PRKN: variants seen among roughly 807,000 people sequenced by gnomAD.
PRKN encodes E3 ubiquitin-protein ligase parkin.
PRKN carries 56 observed loss-of-function variants against 59.5 expected under a neutral mutation model. That is an observed-to-expected ratio of 0.94 (90% confidence interval 0.76 to 1.18). The LOEUF is 1.18. Ranked by LOEUF, PRKN falls within the 50% of genes most tolerant of loss-of-function variation. PRKN has a pLI of 0.00. For missense variants in PRKN, 657 were observed against 596.4 expected (o/e 1.10, Z -1.06); for synonymous variants, 250 against 222.1 (o/e 1.13, Z -1.12).
chr6:162,094,919 A>G (rs980373198), intron 4 of PRKN, among the ~76,000 whole-genome samples: 23 of 152,198 alleles, frequency 1.5e-4, no homozygotes, highest in Admixed American at 2.6e-4. Flanking sequence ...AACTATGAAT[A>G]TGTGTGTGTA....
At chr6:162,619,288 A>T (rs939091308) in intron 1 of PRKN, among the ~76,000 whole-genome samples, 11 of 149,276 alleles carry the variant, frequency 7.4e-5, no homozygotes, top group Non-Finnish European at 1.2e-4. Context: ...GACTACAGGC[A>T]TGCACCACCA....
chr6:162,267,511 G>A (rs1780194155), intron 2 of PRKN, among the ~76,000 whole-genome samples: 1 of 152,146 alleles, frequency 6.6e-6, no homozygotes, highest in African/African-American at 2.4e-5. Context: ...CCTTAGAGCA[G>A]AAACAATGTC....
rs777705286 is a variant in PRKN, at chr6:161,582,692, T to G, written c.872-13276A>C. Among the ~76,000 whole-genome samples, 9 of 152,020 alleles carry G rather than the reference T, an allele frequency of 5.9e-5. No homozygotes were observed. The highest frequency in any genetic ancestry group is 8.8e-5 in the Non-Finnish European group (6 of 68,010). On this transcript the variant is annotated intron_variant, in intron 7 of 11. Coordinates refer to ENST00000366898, the MANE Select transcript of PRKN (RefSeq NM_004562.3). The surrounding 1 kb of genome is among the most constrained non-coding windows in gnomAD (Gnocchi z 4.4). ...TCTGCCCGCCTCGGCCTCCCAAAGT[T>G]CTGGGATTACAGGTGTGAGACACTG... is the stretch of plus-strand genomic sequence containing the variant.
At chr6:162,548,697 T>G (rs1307330440) in intron 1 of PRKN, among the ~76,000 whole-genome samples, 1 of 152,190 alleles carries the variant, frequency 6.6e-6, no homozygotes. Flanking sequence ...CCATTTGAGC[T>G]TGAGCTGCAA....
chr6:162,125,648 C>T (rs767742855), intron 4 of PRKN, among the ~76,000 whole-genome samples: 2 of 152,202 alleles, frequency 1.3e-5, no homozygotes, highest in Non-Finnish European at 2.9e-5. Context: ...AACAAATAGT[C>T]ACTGTGCAAC....
intron 1 of PRKN, among the ~76,000 whole-genome samples, chr6:162,556,745 CAA>C (rs58924466): frequency 8.8e-5 from 8 of 91,060 alleles, no homozygotes; most frequent in Admixed American, 1.4e-4. Flanking sequence ...GACTCCATCT[CAA>C]AAAAAAAAAA....
chr6:161,898,141 A>C (rs531426895), intron 6 of PRKN, among the ~76,000 whole-genome samples: 27 of 152,110 alleles, frequency 1.8e-4, no homozygotes, highest in Non-Finnish European at 3.4e-4. Context: ...TGATACTTGT[A>C]ATTGATACTT....
rs552031722 is a variant in PRKN, at chr6:162,520,455, T to C, written c.8-76982A>G. Among the ~76,000 whole-genome samples, 25 of 152,318 alleles carry C rather than the reference T, an allele frequency of 1.6e-4. No individual in the cohort carries two copies. The South Asian group carries it at 5.2e-3, about 32-fold the overall frequency. On this transcript the variant is annotated intron_variant, in intron 1 of 11. Coordinates refer to ENST00000366898, the MANE Select transcript of PRKN (RefSeq NM_004562.3). ...CAGATCTCCCCTCCCAACTCCTCTC[T>C]GTCCACCAGTTCCCTCTTGCCCAAG... is the stretch of plus-strand genomic sequence containing the variant.
intron 2 of PRKN, among the ~76,000 whole-genome samples, chr6:162,414,726 A>AAAAAAAAAAAAAAAAAAAAAAAAAAGT (rs34838356): frequency 3.3e-5 from 3 of 91,862 alleles, no homozygotes; most frequent in Admixed American, 1.2e-4. Context: ...AAAAAAAAAA[A>AAAAAAAAAAAAAAAAAAAAAAAAAAGT]AGTGAATCTT....
At chr6:162,510,142 A>G (rs1263367131) in intron 1 of PRKN, among the ~76,000 whole-genome samples, 1 of 152,164 alleles carries the variant, frequency 6.6e-6, no homozygotes, top group African/African-American at 2.4e-5. Flanking sequence ...CTGCCAAAAC[A>G]ACAGTCGGCA....
chr6:162,234,316 C>T (rs1019642706), intron 3 of PRKN, among the ~76,000 whole-genome samples: 9 of 152,100 alleles, frequency 5.9e-5, no homozygotes, highest in Non-Finnish European at 1.2e-4. Context: ...AGTGAGCTGG[C>T]TTTAGGATTC....
chr6:162,178,335 G>C (rs796283242), intron 4 of PRKN, among the ~76,000 whole-genome samples: 19 of 152,212 alleles, frequency 1.2e-4, no homozygotes, highest in African/African-American at 4.1e-4. Flanking sequence ...TTAATTCAAT[G>C]AGCAAATTGT....
rs117113174 is a variant in PRKN, at chr6:161,643,908, G to A, written c.872-74492C>T. On this transcript the variant is annotated intron_variant, in intron 7 of 11. Coordinates refer to ENST00000366898, the MANE Select transcript of PRKN (RefSeq NM_004562.3). ...ATTATTTATTTCATTAGCATTGATT[G>A]AATGTCTGTTATATGCCAGTTTGAC... is the stretch of plus-strand genomic sequence containing the variant. 5.0e-3 allele frequency among the ~76,000 whole-genome samples: 754 copies of A among 152,172 alleles called. 17 individuals carry two copies. The East Asian group carries it at 0.063, about 13-fold the overall frequency.
chr6:162,338,358 C>T (rs1243147612), intron 2 of PRKN, among the ~76,000 whole-genome samples: 1 of 152,148 alleles, frequency 6.6e-6, no homozygotes, highest in Non-Finnish European at 1.5e-5. Flanking sequence ...ACTGCAACCT[C>T]CCTGCCTGAT....
chr6:161,355,780 G>T lies in PRKN; in HGVS notation c.1285+4308C>A, dbSNP rs769175684. The stretch of plus-strand genomic sequence containing the variant: ...TGGGATTGGAGCCTAGACGGTCAAG[G>T]TCCCTGATCTCACCGGCTTATGTTC... On this transcript the variant is annotated intron_variant, in intron 11 of 11. Transcript: ENST00000366898. The surrounding 1 kb of genome is among the most constrained non-coding windows in gnomAD (Gnocchi z 6.8). Among the ~76,000 whole-genome samples, 47 of 152,218 alleles carry T rather than the reference G, an allele frequency of 3.1e-4. No homozygotes were observed. Among genetic ancestry groups the T allele is most frequent in the Non-Finnish European group, 6.2e-4 (42 of 68,044 alleles).
chr6:161,685,963 C>T (rs757829578), intron 7 of PRKN, among the ~76,000 whole-genome samples: 13 of 151,812 alleles, frequency 8.6e-5, no homozygotes, highest in Non-Finnish European at 1.5e-5. Flanking sequence ...TCCAAATCAC[C>T]GATGGGTTTT....
chr6:162,001,828 A>G lies in PRKN; in HGVS notation c.619-28411T>C, dbSNP rs544875414. ...TATCAAGTTTAGAAAGTTCCCCTGT[A>G]TCTCTAGTTTGCAAATAGCTTTTTT... On this transcript the variant is annotated intron_variant, in intron 5 of 11. Transcript: ENST00000366898. 2.9e-5 allele frequency among the ~76,000 whole-genome samples: 4 copies of G among 139,964 alleles called. No homozygotes were observed. The South Asian group carries it at 9.2e-4, about 32-fold the overall frequency. 91.8% of individuals were successfully genotyped at this position (139,964 alleles called of 152,430 possible).
chr6:162,136,948 A>C (rs1021113032), intron 4 of PRKN, among the ~76,000 whole-genome samples: 2 of 151,834 alleles, frequency 1.3e-5, no homozygotes, highest in African/African-American at 4.8e-5. Context: ...TGTAAGTATA[A>C]AAATATTTAA....
chr6:162,653,185 T>C (rs951483159), intron 1 of PRKN, among the ~76,000 whole-genome samples: 1 of 152,234 alleles, frequency 6.6e-6, no homozygotes, highest in African/African-American at 2.4e-5. Flanking sequence ...AGGAAGGATA[T>C]ACAAACAGTT....
Sources: gnomAD v4.1 joint callset for allele counts (sites outside exome capture counted in the v4.1 genomes callset) on GRCh38, gnomAD v4.1.1 for gene constraint, Gnocchi (gnomAD v3.1) non-coding constraint, MANE v1.5 for transcripts, NCBI Gene and HGNC (gene_info 2026-07-23, HGNC 2026-07-21) for gene names.